ARHGEF26: variants seen among roughly 807,000 people sequenced by gnomAD.
ARHGEF26 encodes Rho guanine nucleotide exchange factor 26.
Under a neutral mutation model 89.4 loss-of-function variants are expected in ARHGEF26, and 59 were observed. The observed-to-expected ratio is 0.66, with a 90% CI of 0.54 to 0.82. ARHGEF26 has a LOEUF of 0.82. Ranked by LOEUF, ARHGEF26 falls within the 40% of genes least tolerant of loss-of-function variation. ARHGEF26 has a pLI of 0.00. For missense variants in ARHGEF26, 1,234 were observed against 1,085.6 expected (o/e 1.14, Z -1.92); for synonymous variants, 500 against 428.4 (o/e 1.17, Z -2.06).
chr3:154,246,153 G>A (rs545249091), intron 12 of ARHGEF26, among the ~76,000 whole-genome samples: 1 of 152,310 alleles, frequency 6.6e-6, no homozygotes, highest in South Asian at 2.1e-4. Context: ...AACTTAGGTG[G>A]TGCAGAAAGA....
chr3:154,172,600 A>G (rs562668204), intron 6 of ARHGEF26, among the ~76,000 whole-genome samples: 4 of 152,322 alleles, frequency 2.6e-5, no homozygotes, highest in South Asian at 2.1e-4. Context: ...AGGCTGAGAC[A>G]TGAGAATTGC....
chr3:154,215,443 T>C (rs1311188829), intron 9 of ARHGEF26, among the ~76,000 whole-genome samples: 2 of 152,030 alleles, frequency 1.3e-5, no homozygotes, highest in Non-Finnish European at 2.9e-5. Context: ...AGGTTAGGGA[T>C]TGTAAGTATT....
At chr3:154,183,452 G>A (rs1713306902) in intron 6 of ARHGEF26, among the ~76,000 whole-genome samples, 2 of 152,156 alleles carry the variant, frequency 1.3e-5, no homozygotes, top group South Asian at 4.1e-4. Flanking sequence ...CTCCTCGTAA[G>A]CCAAATTATT....
At chr3:154,227,530 C>T (rs1348921683) in intron 11 of ARHGEF26, among the ~76,000 whole-genome samples, 2 of 152,150 alleles carry the variant, frequency 1.3e-5, no homozygotes, top group African/African-American at 4.8e-5. Context: ...ATCTGCCTGC[C>T]TCAGCTTCCT....
At chr3:154,251,568 G>A (rs539277931) in intron 12 of ARHGEF26, among the ~76,000 whole-genome samples, 2 of 152,304 alleles carry the variant, frequency 1.3e-5, no homozygotes, top group Admixed American at 1.3e-4. Context: ...CTGTTGACCA[G>A]CAATATAATA....
chr3:154,198,749 A>C (rs1025152127), intron 9 of ARHGEF26, among the ~76,000 whole-genome samples: 3 of 152,096 alleles, frequency 2.0e-5, no homozygotes, highest in Non-Finnish European at 4.4e-5. Flanking sequence ...AGGGCTTGGG[A>C]TAAAAGAGTA....
chr3:154,123,523 T>C (rs1411246642), intron 2 of ARHGEF26, among the ~76,000 whole-genome samples: 1 of 152,228 alleles, frequency 6.6e-6, no homozygotes, highest in Non-Finnish European at 1.5e-5. Flanking sequence ...TTTGAGCCTG[T>C]TGATTATTTT....
At chr3:154,254,116 C>T (rs1183875228) in intron 13 of ARHGEF26, among the ~76,000 whole-genome samples, 6 of 152,106 alleles carry the variant, frequency 3.9e-5, no homozygotes, top group Non-Finnish European at 8.8e-5. Context: ...GGGGTTTCAC[C>T]GTGTTAGCCA....
chr3:154,139,038 C>T (rs1331304145), intron 4 of ARHGEF26, among the ~76,000 whole-genome samples: 2 of 152,134 alleles, frequency 1.3e-5, no homozygotes, highest in Non-Finnish European at 2.9e-5. Flanking sequence ...GAGCAGGTGT[C>T]AGAGGAGGTA....
chr3:154,136,108 G>A (rs1378782626), intron 4 of ARHGEF26, among the ~76,000 whole-genome samples: 1 of 152,040 alleles, frequency 6.6e-6, no homozygotes, highest in Non-Finnish European at 1.5e-5. Flanking sequence ...CTCTTCTTTT[G>A]TACTTGCTGA....
rs1713495125 is a variant in ARHGEF26, at chr3:154,185,901, G to A, written c.1488-1784G>A. Among the ~76,000 whole-genome samples the A allele has an allele frequency of 2.6e-5, 4 of 152,164 alleles. No homozygotes were observed. In the South Asian group the frequency reaches 8.3e-4, roughly 32 times the overall value. On this transcript the variant is annotated intron_variant, in intron 6 of 14. Coordinates refer to ENST00000465093, the MANE Select transcript of ARHGEF26 (RefSeq NM_015595.4). ...GAGATTCCAGGTATTTCAAGGAGCTGTGTTCCAAGGACCAGGGATGAAGAC... is the reference window on the plus strand; with the variant it reads ...GAGATTCCAGGTATTTCAAGGAGCTATGTTCCAAGGACCAGGGATGAAGAC...
At chr3:154,245,001 A>C (rs777469984) in intron 12 of ARHGEF26, among the ~76,000 whole-genome samples, 4 of 152,088 alleles carry the variant, frequency 2.6e-5, no homozygotes, top group Non-Finnish European at 4.4e-5. Context: ...AAAATATAGA[A>C]TTTTTTAAGT....
chr3:154,205,762 A>G (rs1200360869), intron 9 of ARHGEF26, among the ~76,000 whole-genome samples: 2 of 152,208 alleles, frequency 1.3e-5, no homozygotes, highest in South Asian at 2.1e-4. Context: ...CAGAAAACTA[A>G]TAAGAACTCT....
chr3:154,218,658 T>C (rs1559907411), intron 10 of ARHGEF26, among the ~76,000 whole-genome samples: 1 of 152,202 alleles, frequency 6.6e-6, no homozygotes, highest in Non-Finnish European at 1.5e-5. Context: ...TATTTTTCCC[T>C]AGTAAAAGTG....
rs1203026699 is a variant in ARHGEF26, at chr3:154,173,176, C to T, written c.1488-14509C>T. ...ATTAGAAAGGTTTACATGGATTCTT[C>T]TTTGCATTACCCTCCACTCCTGCCA... is the stretch of plus-strand genomic sequence containing the variant. On this transcript the variant is annotated intron_variant, in intron 6 of 14. Coordinates refer to ENST00000465093, the MANE Select transcript of ARHGEF26 (RefSeq NM_015595.4). 2.0e-5 allele frequency among the ~76,000 whole-genome samples: 3 copies of T among 152,230 alleles called. No individual in the cohort carries two copies. The East Asian group carries it at 5.8e-4, about 29-fold the overall frequency.
intron 7 of ARHGEF26, among the ~76,000 whole-genome samples, 200 bp from the exon 8 acceptor site, chr3:154,191,089 A>C (rs570813732): frequency 6.6e-6 from 1 of 152,296 alleles, no homozygotes; most frequent in East Asian, 1.9e-4. Flanking sequence ...TCCACATCTT[A>C]TTATATTCAG....
rs766312554 is a variant in ARHGEF26 at position 154,234,312 on chromosome 3, C to T, written c.2091-6058C>T. ...AGCCTATTTTCCATTCCTGTTCATC[C>T]GTATTAAGTATCTAAAATGCTTGCT... is the stretch of plus-strand genomic sequence containing the variant. On this transcript the variant is annotated intron_variant, in intron 11 of 14. Coordinates refer to ENST00000465093, the MANE Select transcript of ARHGEF26 (RefSeq NM_015595.4). Among the ~76,000 whole-genome samples the T allele has an allele frequency of 5.9e-5, 9 of 152,184 alleles. No homozygotes were observed. The East Asian group carries it at 9.6e-4, about 16-fold the overall frequency.
chr3:154,165,045 T>G lies in ARHGEF26; in HGVS notation c.1487+12113T>G, dbSNP rs150664827. ...TATGTCACAGGTATAGATTTAATTA[T>G]TTTATCTTTGATTTTTGGAGGATCT... On this transcript the variant is annotated intron_variant, in intron 6 of 14. Coordinates refer to ENST00000465093, the MANE Select transcript of ARHGEF26 (RefSeq NM_015595.4). 7.2e-4 allele frequency among the ~76,000 whole-genome samples: 110 copies of G among 152,236 alleles called. 10 individuals are homozygous for G. The East Asian group carries it at 9.3e-3, about 13-fold the overall frequency.
At chr3:154,150,102 A>G (rs1245313912) in intron 5 of ARHGEF26, among the ~76,000 whole-genome samples, 3 of 140,032 alleles carry the variant, frequency 2.1e-5, no homozygotes, top group Non-Finnish European at 3.1e-5. Flanking sequence ...ATATACATAC[A>G]TATAAATTGA....
Sources: allele counts gnomAD v4.1 joint callset (sites outside exome capture counted in the v4.1 genomes callset), GRCh38; gene constraint gnomAD v4.1.1; transcripts MANE v1.5; gene names NCBI Gene and HGNC (gene_info 2026-07-23, HGNC 2026-07-21).